Variants in E2F2 observed in about 807,000 individuals in gnomAD.
The protein encoded by E2F2 is transcription factor E2F2.
A neutral mutation model predicts 42.2 loss-of-function variants in E2F2; 22 were observed. The observed-to-expected ratio is 0.52, with a 90% CI of 0.37 to 0.74. E2F2 has a LOEUF of 0.74. Among genes scored for constraint, E2F2 ranks in the 30% least tolerant of loss-of-function variants. The pLI is 0.00. For missense variants in E2F2, 481 were observed against 557.8 expected (o/e 0.86, Z 1.39); for synonymous variants, 248 against 251.6 (o/e 0.99, Z 0.13).
In E2F2 at chr1:23,507,852, C is replaced by T. The variant is rs1352252909; in HGVS notation, c.*2028G>A. The T allele has an allele frequency of 6.6e-6, 1 of 152,196 alleles. No homozygotes were observed. The highest frequency in any genetic ancestry group is 2.4e-5 in the African/African-American group (1 of 41,448). 9.4% of individuals were successfully genotyped at this position (152,196 alleles called of 1,614,324 possible). ...TCATTCCCAATGGGTCCTGCAGGCC[C>T]CTTCTTCCTTTTCTCTGATGTAATT... is the stretch of plus-strand genomic sequence containing the variant. On this transcript the variant is annotated 3_prime_UTR_variant, in exon 7 of 7. Coordinates refer to ENST00000361729, the MANE Select transcript of E2F2 (RefSeq NM_004091.4).
At chr1:23,515,907 G>T (rs1413285226) in intron 6 of E2F2, among the ~76,000 whole-genome samples, 3 of 152,080 alleles carry the variant, frequency 2.0e-5, no homozygotes, top group Non-Finnish European at 4.4e-5. Flanking sequence ...TCCCTATGTT[G>T]CCCGGGCTGC....
chr1:23,524,359 A>G, intron 2 of E2F2, 24 bp downstream of exon 2: 1 of 1,042,342 alleles, frequency 9.6e-7, no homozygotes, highest in Non-Finnish European at 1.4e-6. Context: ...ACCCCACCCC[A>G]GAGGCCCCAT....
At chr1:23,516,951 A>G (rs1045456452) in intron 5 of E2F2, among the ~76,000 whole-genome samples, 22 of 152,134 alleles carry the variant, frequency 1.4e-4, no homozygotes, top group African/African-American at 4.3e-4. Flanking sequence ...ACTTGTGGGA[A>G]ATGGAAGCCC....
intron 6 of E2F2, among the ~76,000 whole-genome samples, chr1:23,513,704 A>G (rs1303553809): frequency 6.6e-6 from 1 of 151,572 alleles, no homozygotes; most frequent in African/African-American, 2.4e-5. Flanking sequence ...CAGGGATAAT[A>G]CTATGAGGCC....
rs944992545 is a variant in E2F2 at position 23,530,401 on chromosome 1, C to T, written c.252+141G>A. On this transcript the variant is annotated intron_variant, in intron 1 of 6. Transcript: ENST00000361729. This position sits in a 1 kb window ranked among gnomAD's most constrained non-coding sequence, Gnocchi z 4.4. The stretch of plus-strand genomic sequence containing the variant: ...GTCTTCTACTCAGATATTGGGGGCA[C>T]TGGGTCCTGGAAACTGAAAGCTCAT... 4.2e-6 allele frequency: 5 copies of T among 1,188,244 alleles called. No individual in the cohort carries two copies. The highest frequency in any genetic ancestry group is 5.7e-6 in the Non-Finnish European group (5 of 869,774). The allele number at this position is 1,188,244 out of a possible 1,614,324, so 73.6% of individuals were successfully genotyped here.
At chr1:23,525,933 C>A (rs1426921501) in intron 1 of E2F2, among the ~76,000 whole-genome samples, 1 of 152,142 alleles carries the variant, frequency 6.6e-6, no homozygotes, top group African/African-American at 2.4e-5. Context: ...GCTGAGACTT[C>A]TAACTGCTGC....
At chr1:23,523,531 G>C (rs6684709) in intron 2 of E2F2, among the ~76,000 whole-genome samples, 77,124 of 151,944 alleles carry the variant, frequency 0.51, 23,128 homozygotes, top group East Asian at 0.83. Flanking sequence ...CACCACCTGG[G>C]CAGCCTCTGG....
chr1:23,515,902 A>G (rs1029818317), intron 6 of E2F2, among the ~76,000 whole-genome samples: 26 of 152,032 alleles, frequency 1.7e-4, no homozygotes, highest in Non-Finnish European at 1.0e-4. Context: ...GGGTATCCCT[A>G]TGTTGCCCGG....
Position 23,510,017 on chromosome 1 carries a change from T to C in E2F2, c.1177A>G (p.Thr393Ala), listed in dbSNP as rs777829086. Reference sequence around the variant, plus strand: ...ATCAGAGGGGAGCTGCACGCCAGGGTCGGGGACAGGAACTGGTCCTCAGTC... The same window carrying C: ...ATCAGAGGGGAGCTGCACGCCAGGGCCGGGGACAGGAACTGGTCCTCAGTC... ...QQTEDQFLSPTLACSSPLISF... is the reference protein window; with the variant it reads ...QQTEDQFLSPALACSSPLISF... The change falls in exon 7 of 7, where the codon ACC becomes GCC. Residue 393 changes from threonine (T) to alanine (A), a missense_variant. Physicochemically the swap from Thr to Ala is moderately conservative, Grantham distance 58. Coordinates refer to ENST00000361729, the MANE Select transcript of E2F2 (RefSeq NM_004091.4). 3 of 1,613,242 alleles carry C rather than the reference T, an allele frequency of 1.9e-6. No homozygotes were observed. The highest frequency in any genetic ancestry group is 2.5e-6 in the Non-Finnish European group (3 of 1,179,816).
At chr1:23,520,177 T>G (rs1570464766) in intron 4 of E2F2, among the ~76,000 whole-genome samples, 2 of 117,336 alleles carry the variant, frequency 1.7e-5, no homozygotes, top group Non-Finnish European at 3.3e-5. Flanking sequence ...ACCCAGGAGG[T>G]GGAGGTTGCA....
Position 23,520,964 on chromosome 1 carries a change from TG to T in E2F2, c.685del (p.Gln229ArgfsTer5), listed in dbSNP as rs1430386653. ...GTGCTTGAAGCTCAGAGAGCAGCTC[TG>T]GATGAGCTGGTCCAAGGCCTGCTCC... ...NTEQALDQLI[Q>X]SCSLSFKHLT... On this transcript the variant is annotated frameshift_variant, in exon 4 of 7. Transcript: ENST00000361729. LOFTEE classifies it high-confidence loss of function. 1 of 1,612,600 alleles carries T rather than the reference TG, an allele frequency of 6.2e-7. No homozygotes were observed. Among genetic ancestry groups the T allele is most frequent in the South Asian group, 1.1e-5 (1 of 90,874 alleles).
rs1038813237 is a variant in E2F2, at chr1:23,531,050, G to T, written c.-257C>A. The T allele has an allele frequency of 2.6e-6, 1 of 391,708 alleles. No individual in the cohort carries two copies. Among genetic ancestry groups the T allele is most frequent in the African/African-American group, 2.1e-5 (1 of 48,076 alleles). 24.3% of individuals were successfully genotyped at this position (391,708 alleles called of 1,614,324 possible). A position where few individuals can be genotyped will look rare whatever the true frequency, so the allele number is the denominator to read the frequency against. On this transcript the variant is annotated 5_prime_UTR_variant, in exon 1 of 7. Transcript: ENST00000361729. Reference sequence around the variant, plus strand: ...TGCCAGGGGCTGTCTCGTCCCGAGGGCACCGCGACCCGGGACGCCCCGCGC... The same window carrying T: ...TGCCAGGGGCTGTCTCGTCCCGAGGTCACCGCGACCCGGGACGCCCCGCGC...
chr1:23,517,887 C>A (rs182357567), intron 5 of E2F2, among the ~76,000 whole-genome samples: 1 of 152,114 alleles, frequency 6.6e-6, no homozygotes, highest in African/African-American at 2.4e-5. Context: ...GGGTCTTGCA[C>A]GGCTAGGTGC....
At chr1:23,516,577 A>AAGTGTC in intron 5 of E2F2, 50 bp from the exon 6 acceptor site, 16 of 1,486,510 alleles carry the variant, frequency 1.1e-5, no homozygotes, top group Admixed American at 2.0e-5. Context: ...CTGGACACTT[A>AAGTGTC]CACTTAGTGT....
chr1:23,525,204 T>G (rs1173934392), intron 1 of E2F2, among the ~76,000 whole-genome samples: 1 of 136,686 alleles, frequency 7.3e-6, no homozygotes, highest in Non-Finnish European at 1.7e-5. Flanking sequence ...CCCCTCCAGC[T>G]CCCCCTTTCT....
In E2F2 at chr1:23,506,625, G is replaced by A. The variant is rs1027145099; in HGVS notation, c.*3255C>T. 2.0e-5 allele frequency: 3 copies of A among 152,300 alleles called. No homozygotes were observed. The highest frequency in any genetic ancestry group is 2.9e-5 in the Non-Finnish European group (2 of 68,090). The allele number at this position is 152,300 out of a possible 1,614,324, so 9.4% of individuals were successfully genotyped here. ...CAGGCAAGGTTCTTCAGCTCACCCA[G>A]GAGCCAGCAGGCTGGCCAGGCGTGT... On this transcript the variant is annotated 3_prime_UTR_variant, in exon 7 of 7. Coordinates refer to ENST00000361729, the MANE Select transcript of E2F2 (RefSeq NM_004091.4).
rs1248775252 is a variant in E2F2, at chr1:23,524,448, A to G, written c.293T>C (p.Val98Ala). The G allele has an allele frequency of 1.7e-5, 27 of 1,613,602 alleles. No homozygotes were observed. The highest frequency in any genetic ancestry group is 2.1e-5 in the Non-Finnish European group (25 of 1,179,852). ...KLDLEGIGRP[V>A]VPEFPTPKGK... ...CTTGGGGGTTGGGAACTCAGGGACG[A>G]CGGGCCTCCCAATCCCCTCCAGATC... Residue 98 changes from valine (V) to alanine (A), a missense_variant, in exon 2 of 7, where the codon GTC becomes GCC. Val to Ala is a moderately conservative substitution (Grantham distance 64). Transcript: ENST00000361729.
At position 23,517,105 on chromosome 1, in the gene E2F2, T is replaced by C. The variant is rs566660618; in HGVS notation, c.853-578A>G. On this transcript the variant is annotated intron_variant, in intron 5 of 6. Transcript: ENST00000361729. ...CAGACCTGAAGTCATAGTTTGAGCA[T>C]CTACATCCAACCTTGCCAGCAATCT... 2.8e-4 allele frequency among the ~76,000 whole-genome samples: 42 copies of C among 152,272 alleles called. 1 individual carries two copies. The highest frequency in any genetic ancestry group is 4.3e-4 in the Non-Finnish European group (29 of 68,016).
At chr1:23,512,508 G>A (rs1050920705) in intron 6 of E2F2, among the ~76,000 whole-genome samples, 13 of 152,170 alleles carry the variant, frequency 8.5e-5, no homozygotes, top group African/African-American at 2.7e-4. Flanking sequence ...TACAGTCAGA[G>A]GCCTGGCTTG....
Sources: allele counts gnomAD v4.1 joint callset (sites outside exome capture counted in the v4.1 genomes callset), GRCh38; gene constraint gnomAD v4.1.1; non-coding constraint Gnocchi (gnomAD v3.1); transcripts MANE v1.5; gene names NCBI Gene and HGNC (gene_info 2026-07-23, HGNC 2026-07-21).